The following MEI4 variants were observed in gnomAD, a reference collection of about 807,000 sequenced individuals.
MEI4 encodes the protein meiosis-specific protein MEI4.
In MEI4, 27 loss-of-function variants were observed where a neutral mutation model predicts 31.4. The observed-to-expected ratio is 0.86, with a 90% confidence interval of 0.63 to 1.19. The LOEUF (loss-of-function observed/expected upper bound fraction) is 1.19, where lower values mean the gene tolerates loss of function less well. Among genes scored for constraint, MEI4 ranks in the 50% most tolerant of loss-of-function variants. MEI4 has a pLI of 0.00. For synonymous variants in MEI4, 122 were observed against 145.4 expected (o/e 0.84, Z 1.16); for missense variants, 329 against 398.9 (o/e 0.82, Z 1.49).
chr6:77,912,861 A>T (rs1353606751), intron 4 of MEI4, among the ~76,000 whole-genome samples: 1 of 152,130 alleles, frequency 6.6e-6, no homozygotes, highest in African/African-American at 2.4e-5. Context: ...TATTAGAGTT[A>T]AACTAGGTAT....
chr6:77,841,332 TA>T (rs1352471963), intron 4 of MEI4, among the ~76,000 whole-genome samples: 11 of 58,634 alleles, frequency 1.9e-4, no homozygotes, highest in African/African-American at 7.4e-4. Context: ...TATATATATA[TA>T]TTTTTTTTTT....
intron 4 of MEI4, among the ~76,000 whole-genome samples, chr6:77,900,650 A>C (rs1464126564): frequency 6.6e-6 from 1 of 152,010 alleles, no homozygotes; most frequent in Non-Finnish European, 1.5e-5. Flanking sequence ...GATGCTGGTA[A>C]TTGGAGACTG....
In MEI4 at chr6:77,829,066, C is replaced by T. The variant is rs1770020448; in HGVS notation, c.900+4C>T. 1.6e-6 allele frequency: 2 copies of T among 1,231,502 alleles called. No homozygotes were observed. Among genetic ancestry groups the T allele is most frequent in the Non-Finnish European group, 2.0e-6 (2 of 987,492 alleles). 76.3% of individuals were successfully genotyped at this position (1,231,502 alleles called of 1,614,324 possible). On this transcript the variant is annotated splice_donor_region_variant and intron_variant, in intron 4 of 4. Coordinates refer to ENST00000684080, the MANE Select transcript of MEI4 (RefSeq NM_001322247.2). ...TGATCTGGGAGCCATCAATCAGGTA[C>T]ACATAACTTGAAACTGTAGTTCTCA... is the stretch of plus-strand genomic sequence containing the variant.
intron 1 of MEI4, among the ~76,000 whole-genome samples, chr6:77,653,600 A>G (rs1365809577): frequency 6.6e-6 from 1 of 152,184 alleles, no homozygotes; most frequent in African/African-American, 2.4e-5. Flanking sequence ...TTTAAAAGGT[A>G]GCCTAAAATC....
upstream of MEI4, among the ~76,000 whole-genome samples, chr6:77,650,474 G>A (rs552044282): frequency 6.6e-6 from 1 of 152,206 alleles, no homozygotes; most frequent in Non-Finnish European, 1.5e-5. Context: ...ACCACCTGCG[G>A]GGCAGCACGT....
intron 3 of MEI4, among the ~76,000 whole-genome samples, chr6:77,827,275 G>A (rs551149474): frequency 6.7e-6 from 1 of 148,598 alleles, no homozygotes; most frequent in African/African-American, 2.5e-5. Context: ...GCAGGAGAAT[G>A]GTGTGAACCC....
At chr6:77,899,269 G>T (rs945978448) in intron 4 of MEI4, among the ~76,000 whole-genome samples, 2 of 151,992 alleles carry the variant, frequency 1.3e-5, no homozygotes, top group South Asian at 4.1e-4. Flanking sequence ...ATATTTAACT[G>T]ATCCATTGCC....
intron 4 of MEI4, among the ~76,000 whole-genome samples, chr6:77,830,337 A>G (rs2127711749): frequency 6.6e-6 from 1 of 152,170 alleles, no homozygotes; most frequent in African/African-American, 2.4e-5. Context: ...GATTGTTTGG[A>G]GGATGTCAGT....
intron 4 of MEI4, among the ~76,000 whole-genome samples, chr6:77,913,083 C>A (rs1766466825): frequency 6.6e-6 from 1 of 151,982 alleles, no homozygotes; most frequent in East Asian, 1.9e-4. Flanking sequence ...TGGGTTTTGT[C>A]CTTTATTCCA....
At chr6:77,857,436 A>G (rs554003313) in intron 4 of MEI4, among the ~76,000 whole-genome samples, 16 of 152,308 alleles carry the variant, frequency 1.1e-4, no homozygotes, top group African/African-American at 3.8e-4. Flanking sequence ...TTCCATTCAC[A>G]CAGCCAATAA....
intron 4 of MEI4, among the ~76,000 whole-genome samples, chr6:77,918,786 C>T (rs574166346): frequency 6.6e-6 from 1 of 151,958 alleles, no homozygotes; most frequent in Non-Finnish European, 1.5e-5. Context: ...ATTGCCCTGG[C>T]CAGAACTTCC....
chr6:77,784,627 C>G (rs1308010124), intron 3 of MEI4, among the ~76,000 whole-genome samples: 1 of 152,076 alleles, frequency 6.6e-6, no homozygotes, highest in Admixed American at 6.6e-5. Flanking sequence ...GCTGGCAGAA[C>G]AACAATTCAA....
intron 3 of MEI4, among the ~76,000 whole-genome samples, chr6:77,788,539 G>C (rs1048633996): frequency 2.0e-5 from 3 of 152,016 alleles, no homozygotes; most frequent in Non-Finnish European, 2.9e-5. Flanking sequence ...TAAGCTGATA[G>C]GCAACTTCAG....
intron 3 of MEI4, among the ~76,000 whole-genome samples, chr6:77,803,694 A>G (rs1769341926): frequency 6.6e-6 from 1 of 152,170 alleles, no homozygotes; most frequent in Admixed American, 6.5e-5. Flanking sequence ...TCTGTCATTC[A>G]GGACCCTCAG....
chr6:77,821,375 G>A (rs1435601886), intron 3 of MEI4, among the ~76,000 whole-genome samples: 1 of 152,116 alleles, frequency 6.6e-6, no homozygotes, highest in Non-Finnish European at 1.5e-5. Context: ...TTCCTCAAGA[G>A]TGGTTTTGTA....
intron 4 of MEI4, among the ~76,000 whole-genome samples, chr6:77,830,353 C>A (rs776255748): frequency 6.6e-6 from 1 of 151,944 alleles, no homozygotes; most frequent in African/African-American, 2.4e-5. Flanking sequence ...TCAGTAAGTG[C>A]AGAAAAAATG....
intron 2 of MEI4, 111 bp downstream of exon 2, chr6:77,691,014 G>A (rs1477439514): frequency 2.1e-6 from 1 of 484,982 alleles, no homozygotes; most frequent in Non-Finnish European, 3.3e-6. Context: ...TTCCATGAAA[G>A]CTCGACATCT....
At chr6:77,697,944 G>A (rs1021166828) in intron 2 of MEI4, among the ~76,000 whole-genome samples, 3 of 152,140 alleles carry the variant, frequency 2.0e-5, no homozygotes, top group African/African-American at 7.2e-5. Flanking sequence ...ATGAATCTGG[G>A]TGCTCCTGTA....
At chr6:77,830,400 A>T (rs746950498) in intron 4 of MEI4, among the ~76,000 whole-genome samples, 3 of 152,110 alleles carry the variant, frequency 2.0e-5, no homozygotes, top group Non-Finnish European at 4.4e-5. Flanking sequence ...CAATAGCTCC[A>T]TGAAGCGGTT....
Sources: gnomAD v4.1 joint callset for allele counts (sites outside exome capture counted in the v4.1 genomes callset) on GRCh38, gnomAD v4.1.1 for gene constraint, MANE v1.5 for transcripts, NCBI Gene and HGNC (gene_info 2026-07-23, HGNC 2026-07-21) for gene names.